Variants in VPS13D observed in about 807,000 individuals in gnomAD.
The protein encoded by VPS13D is vacuolar protein sorting 13 homolog D.
A neutral mutation model predicts 461.9 loss-of-function variants in VPS13D; 187 were observed. That is an observed-to-expected ratio of 0.40 (90% confidence interval 0.36 to 0.46). The LOEUF is 0.46. Ranked by LOEUF, VPS13D falls within the 20% of genes least tolerant of loss-of-function variation. The pLI is 0.60. For synonymous variants in VPS13D, 1,951 were observed against 1,986.3 expected (o/e 0.98, Z 0.47); for missense variants, 4,711 against 5,364.9 (o/e 0.88, Z 3.81).
At chr1:12,314,500 A>C (rs1482198277) in intron 30 of VPS13D, among the ~76,000 whole-genome samples, 173 bp downstream of exon 30, 1 of 152,230 alleles carries the variant, frequency 6.6e-6, no homozygotes, top group African/African-American at 2.4e-5. Context: ...ATAATCTTGC[A>C]GTTTCATTTA....
intron 65 of VPS13D, among the ~76,000 whole-genome samples, chr1:12,425,585 G>C (rs908833192): frequency 6.6e-6 from 1 of 151,644 alleles, no homozygotes; most frequent in East Asian, 1.9e-4. Context: ...AAATATCAGC[G>C]ATGTGAAGAG....
chr1:12,387,211 C>A (rs12091072), intron 60 of VPS13D, among the ~76,000 whole-genome samples: 1 of 152,064 alleles, frequency 6.6e-6, no homozygotes, highest in African/African-American at 2.4e-5. Context: ...AAGCCTTGCC[C>A]TCATGATTAA....
Position 12,234,380 on chromosome 1 carries a change from G to A in VPS13D, c.97+17G>A. On this transcript the variant is annotated intron_variant, in intron 2 of 69. Coordinates refer to ENST00000620676, the MANE Select transcript of VPS13D (RefSeq NM_015378.4). Reference sequence around the variant, plus strand: ...TTCTCAAAGGTGAGTATTTCTCTGGGTGAGATACAGCTTTATAGGTGGCGT... The same window carrying A: ...TTCTCAAAGGTGAGTATTTCTCTGGATGAGATACAGCTTTATAGGTGGCGT... 2 of 1,599,258 alleles carry A rather than the reference G, an allele frequency of 1.3e-6. No individual in the cohort carries two copies. The highest frequency in any genetic ancestry group is 1.7e-6 in the Non-Finnish European group (2 of 1,167,996).
intron 54 of VPS13D, among the ~76,000 whole-genome samples, chr1:12,371,100 T>C (rs1013049150): frequency 6.6e-6 from 1 of 152,186 alleles, no homozygotes. Context: ...AAGTGAACAG[T>C]TCAGTGGCAT....
At chr1:12,413,953 G>A (rs972088728) in intron 63 of VPS13D, among the ~76,000 whole-genome samples, 3 of 152,056 alleles carry the variant, frequency 2.0e-5, no homozygotes, top group Non-Finnish European at 4.4e-5. Flanking sequence ...TCCACTCCCA[G>A]GTATATGTCC....
chr1:12,385,448 C>T, intron 59 of VPS13D, 75 bp downstream of exon 59: 1 of 1,195,782 alleles, frequency 8.4e-7, no homozygotes, highest in Non-Finnish European at 1.2e-6. Context: ...TATTTTAGAC[C>T]TTCTGTTTTC....
chr1:12,308,084 C>T (rs193299517), intron 26 of VPS13D, among the ~76,000 whole-genome samples: 4 of 152,222 alleles, frequency 2.6e-5, no homozygotes, highest in Admixed American at 2.0e-4. Context: ...TAGCATTGTG[C>T]GTGGGGAGGG....
At chr1:12,372,069 T>C (rs1246316344) in intron 54 of VPS13D, among the ~76,000 whole-genome samples, 3 of 152,170 alleles carry the variant, frequency 2.0e-5, no homozygotes, top group South Asian at 4.1e-4. Context: ...TTTTTATTTC[T>C]ATTTTTGAGA....
intron 55 of VPS13D, among the ~76,000 whole-genome samples, chr1:12,377,339 C>T (rs1644213324): frequency 6.6e-6 from 1 of 151,744 alleles, no homozygotes; most frequent in African/African-American, 2.4e-5. Flanking sequence ...GGATTACAGG[C>T]ATGAGCCACC....
chr1:12,429,702 T>C (rs1023764824), intron 65 of VPS13D, among the ~76,000 whole-genome samples: 2 of 152,224 alleles, frequency 1.3e-5, no homozygotes, highest in Non-Finnish European at 2.9e-5. Context: ...GGACATTGAC[T>C]TTTAGGATCC....
chr1:12,271,234 T>C, intron 17 of VPS13D, 110 bp downstream of exon 17: 2 of 1,333,396 alleles, frequency 1.5e-6, no homozygotes, highest in Non-Finnish European at 2.1e-6. Flanking sequence ...TTATGCTGAC[T>C]GAGTAAACTG....
In VPS13D at chr1:12,509,924, A is replaced by C. The variant is rs1344202194; in HGVS notation, c.*900A>C. On this transcript the variant is annotated 3_prime_UTR_variant, in exon 70 of 70. Transcript: ENST00000620676. ...AAAAAAGTCCCATTGAACTGTTGCA[A>C]CAAATCAGAAATCCACATAAAAGTG... 2.0e-5 allele frequency: 3 copies of C among 152,262 alleles called. No individual in the cohort carries two copies. The South Asian group carries it at 6.2e-4, about 31-fold the overall frequency. The allele number at this position is 152,262 out of a possible 1,614,324, so 9.4% of individuals were successfully genotyped here.
In VPS13D at chr1:12,507,526, CT is replaced by C. The variant is rs1646128152; in HGVS notation, c.13035+434del. The C allele has an allele frequency of 4.5e-6, 2 of 448,254 alleles. No individual in the cohort carries two copies. The highest frequency in any genetic ancestry group is 4.0e-5 in the African/African-American group (2 of 49,768). 27.8% of individuals were successfully genotyped at this position (448,254 alleles called of 1,614,324 possible). A position where few individuals can be genotyped will look rare whatever the true frequency, so the allele number is the denominator to read the frequency against. ...AACAGTGGAAACCGTAACTTTTGTTCTAGTAGCATCTAGCATGCTCAATAAT... is the reference window on the plus strand; with the variant it reads ...AACAGTGGAAACCGTAACTTTTGTTCAGTAGCATCTAGCATGCTCAATAAT... On this transcript the variant is annotated intron_variant, in intron 69 of 69. Transcript: ENST00000620676. The surrounding 1 kb of genome is among the most constrained non-coding windows in gnomAD (Gnocchi z 5.3).
intron 35 of VPS13D, among the ~76,000 whole-genome samples, chr1:12,326,477 A>G (rs372024174): frequency 2.0e-5 from 3 of 151,662 alleles, no homozygotes; most frequent in African/African-American, 4.9e-5. Flanking sequence ...AGCTGGGACT[A>G]CAGGATGCAC....
intron 34 of VPS13D, 39 bp from the exon 35 acceptor site, chr1:12,323,667 A>G: frequency 6.3e-7 from 1 of 1,580,134 alleles, no homozygotes; most frequent in Non-Finnish European, 8.7e-7. Flanking sequence ...TAATTTACAT[A>G]AAATTATTTA....
In VPS13D at chr1:12,406,093, C is replaced by T. The variant is rs141028350; in HGVS notation, c.12030+2120C>T. Among the ~76,000 whole-genome samples, 48 of 151,650 alleles carry T rather than the reference C, an allele frequency of 3.2e-4. No homozygotes were observed. In the East Asian group the frequency reaches 9.3e-3, roughly 29 times the overall value. On this transcript the variant is annotated intron_variant, in intron 63 of 69. Coordinates refer to ENST00000620676, the MANE Select transcript of VPS13D (RefSeq NM_015378.4). The stretch of plus-strand genomic sequence containing the variant: ...TTTTCAAATCATTGTGAAACAATTA[C>T]ATGGAGCAGCCATGTGATGAGGTGT...
intron 7 of VPS13D, among the ~76,000 whole-genome samples, chr1:12,254,352 A>G (rs1640841535): frequency 6.6e-6 from 1 of 151,506 alleles, no homozygotes; most frequent in African/African-American, 2.4e-5. Flanking sequence ...AGGCATCCAG[A>G]TTTTAAATGA....
Position 12,495,269 on chromosome 1 carries a change from C to T in VPS13D, c.12663-2231C>T, listed in dbSNP as rs1309204090. Among the ~76,000 whole-genome samples the T allele has an allele frequency of 1.3e-5, 2 of 151,842 alleles. No individual in the cohort carries two copies. The highest frequency in any genetic ancestry group is 2.9e-5 in the Non-Finnish European group (2 of 67,930). On this transcript the variant is annotated intron_variant, in intron 67 of 69. Coordinates refer to ENST00000620676, the MANE Select transcript of VPS13D (RefSeq NM_015378.4). This position sits in a 1 kb window ranked among gnomAD's most constrained non-coding sequence, Gnocchi z 4.0. ...GGTTCATGCCATTCTCCTGCCTCAG[C>T]CTCCTGAATAGCTGGGACTACAGGC...
At chr1:12,266,327 G>A (rs1336658710) in intron 13 of VPS13D, among the ~76,000 whole-genome samples, 1 of 152,232 alleles carries the variant, frequency 6.6e-6, no homozygotes, top group Non-Finnish European at 1.5e-5. Context: ...CTGCTACAGA[G>A]AAATCTTCTG....
Sources: allele counts gnomAD v4.1 joint callset (sites outside exome capture counted in the v4.1 genomes callset), GRCh38; gene constraint gnomAD v4.1.1; non-coding constraint Gnocchi (gnomAD v3.1); transcripts MANE v1.5; gene names NCBI Gene and HGNC (gene_info 2026-07-23, HGNC 2026-07-21).